RERE: variants seen among roughly 807,000 people sequenced by gnomAD.
The protein encoded by RERE is arginine-glutamic acid dipeptide repeats protein.
Under a neutral mutation model 146.1 loss-of-function variants are expected in RERE, and 40 were observed. The observed-to-expected ratio is 0.27, with a 90% CI of 0.21 to 0.36. The LOEUF (loss-of-function observed/expected upper bound fraction) is 0.36, where lower values mean the gene tolerates loss of function less well. Ranked by LOEUF, RERE falls within the 10% of genes least tolerant of loss-of-function variation. The pLI is 1.00. For synonymous variants in RERE, 1,003 were observed against 866.0 expected (o/e 1.16, Z -2.78); for missense variants, 1,933 against 2,138.7 (o/e 0.90, Z 1.90).
At chr1:8,554,318 T>C (rs1381835633) in intron 6 of RERE, among the ~76,000 whole-genome samples, 1 of 152,142 alleles carries the variant, frequency 6.6e-6, no homozygotes, top group Non-Finnish European at 1.5e-5. Context: ...TCTAAATCGA[T>C]TAAAATCTTT....
At chr1:8,359,584 G>A (rs1641466142) in intron 19 of RERE, among the ~76,000 whole-genome samples, 180 bp downstream of exon 19, 1 of 152,212 alleles carries the variant, frequency 6.6e-6, no homozygotes, top group Admixed American at 6.5e-5. Flanking sequence ...AGTTACCCCG[G>A]CAGCTTCGGA....
intron 1 of RERE, among the ~76,000 whole-genome samples, chr1:8,795,234 C>T (rs1474031757): frequency 2.0e-5 from 3 of 151,952 alleles, no homozygotes; most frequent in Admixed American, 2.0e-4. Context: ...TCATGTTGGC[C>T]AGGCTGGTCT....
chr1:8,738,168 C>G (rs901124068), intron 1 of RERE, among the ~76,000 whole-genome samples: 1 of 152,222 alleles, frequency 6.6e-6, no homozygotes, highest in Non-Finnish European at 1.5e-5. Flanking sequence ...ACGGGGCAAA[C>G]CTACACCTCT....
chr1:8,521,899 A>T (rs1333350823), intron 7 of RERE, among the ~76,000 whole-genome samples: 1 of 152,236 alleles, frequency 6.6e-6, no homozygotes, highest in Non-Finnish European at 1.5e-5. Flanking sequence ...CCTGCCCCAA[A>T]AGCTTGATGT....
At position 8,352,850 on chromosome 1, in the gene RERE, A is replaced by T. The variant is rs1391305846; in HGVS notation, c.*2237T>A. On this transcript the variant is annotated 3_prime_UTR_variant, in exon 23 of 23. Transcript: ENST00000400908. ...CCTTGGGATATGGGGAGAAAAGCAAAGCTAACAAGAATGCCTTCGGACGGC... is the reference window on the plus strand; with the variant it reads ...CCTTGGGATATGGGGAGAAAAGCAATGCTAACAAGAATGCCTTCGGACGGC... 1 of 152,594 alleles carries T rather than the reference A, an allele frequency of 6.6e-6. No homozygotes were observed. The highest frequency in any genetic ancestry group is 6.5e-5 in the Admixed American group (1 of 15,282). The allele number at this position is 152,594 out of a possible 1,614,324, so 9.5% of individuals were successfully genotyped here. A position where few individuals can be genotyped will look rare whatever the true frequency, so the allele number is the denominator to read the frequency against.
In RERE at chr1:8,465,716, C is replaced by T. The variant is rs61157780; in HGVS notation, c.1203+209G>A. Reference sequence around the variant, plus strand: ...TCCATGAAAGTTGGACAATCTTTCCCGACATCTATGAAGCCTAATCTTAAT... The same window carrying T: ...TCCATGAAAGTTGGACAATCTTTCCTGACATCTATGAAGCCTAATCTTAAT... On this transcript the variant is annotated intron_variant, in intron 11 of 22. Coordinates refer to ENST00000400908, the MANE Select transcript of RERE (RefSeq NM_001042681.2). The T allele has an allele frequency of 7.9e-5, 51 of 648,594 alleles. 1 individual carries two copies. The East Asian group carries it at 1.1e-3, about 13-fold the overall frequency. The allele number at this position is 648,594 out of a possible 1,614,324, so 40.2% of individuals were successfully genotyped here. A position where few individuals can be genotyped will look rare whatever the true frequency, so the allele number is the denominator to read the frequency against.
At chr1:8,456,560 G>A (rs1644455576) in intron 11 of RERE, among the ~76,000 whole-genome samples, 1 of 152,170 alleles carries the variant, frequency 6.6e-6, no homozygotes, top group African/African-American at 2.4e-5. Context: ...GAGATACAAT[G>A]TTAGGAGAAA....
chr1:8,486,909 C>G (rs529040983), intron 10 of RERE, among the ~76,000 whole-genome samples: 1 of 151,946 alleles, frequency 6.6e-6, no homozygotes, highest in Non-Finnish European at 1.5e-5. Flanking sequence ...ACAGGAAGAA[C>G]GATTTCCCAA....
intron 3 of RERE, 149 bp from the exon 4 acceptor site, chr1:8,614,835 T>C (rs1324495475): frequency 1.1e-6 from 1 of 889,088 alleles, no homozygotes; most frequent in Non-Finnish European, 1.7e-6. Context: ...CCACTAAAGT[T>C]AACCTTTTTG....
intron 1 of RERE, among the ~76,000 whole-genome samples, chr1:8,724,531 CATA>C (rs1298423175): frequency 1.3e-5 from 2 of 152,166 alleles, no homozygotes; most frequent in Non-Finnish European, 2.9e-5. Context: ...ACTTTCTCTA[CATA>C]TTACACAGCT....
rs868002362 is a variant in RERE, at chr1:8,358,536, C to G, written c.3999G>C (p.Glu1333Asp). The G allele has an allele frequency of 2.2e-5, 36 of 1,602,204 alleles. No individual in the cohort carries two copies. The Middle Eastern group carries it at 4.5e-3, about 201-fold the overall frequency. Residue 1333 changes from glutamate to aspartate, a missense_variant, in exon 20 of 23, where the codon GAG becomes GAC. Coordinates refer to ENST00000400908, the MANE Select transcript of RERE (RefSeq NM_001042681.2). Reference sequence around the variant, plus strand: ...TGGCGGCTGGGTGCAGGGGGTCCAGCTCTGGGGGCTTCACCTCGAAGCCCG... The same window carrying G: ...TGGCGGCTGGGTGCAGGGGGTCCAGGTCTGGGGGCTTCACCTCGAAGCCCG... Reference protein sequence around the residue: ...MKPGFEVKPPELDPLHPAANP... With the variant: ...MKPGFEVKPPDLDPLHPAANP...
At chr1:8,617,690 T>C (rs1295504609) in intron 3 of RERE, among the ~76,000 whole-genome samples, 2 of 152,160 alleles carry the variant, frequency 1.3e-5, no homozygotes, top group Non-Finnish European at 2.9e-5. Flanking sequence ...CAAATCATCA[T>C]AGCGTAAGGC....
At chr1:8,592,270 T>G (rs1646503982) in intron 4 of RERE, among the ~76,000 whole-genome samples, 1 of 152,050 alleles carries the variant, frequency 6.6e-6, no homozygotes, top group Non-Finnish European at 1.5e-5. Context: ...AAGGTACTTT[T>G]TTTTTCTTTT....
chr1:8,809,137 TAAAA>T lies in RERE; in HGVS notation c.-145+8019_-145+8022del, dbSNP rs58263107. On this transcript the variant is annotated intron_variant, in intron 1 of 22. Transcript: ENST00000400908. ...TGGGCGACAGAGCGAGACTTTGTCT[TAAAA>T]AAAAAAAAAAAAAAAAAAAGTACTG... 9.5e-5 allele frequency among the ~76,000 whole-genome samples: 9 copies of T among 95,072 alleles called. 1 individual carries two copies. Among genetic ancestry groups the T allele is most frequent in the African/African-American group, 4.1e-4 (9 of 21,892 alleles). The allele number at this position is 95,072 out of a possible 152,430, so 62.4% of individuals were successfully genotyped here. A position where few individuals can be genotyped will look rare whatever the true frequency, so the allele number is the denominator to read the frequency against.
chr1:8,603,938 C>CAAAAAAAAAA (rs61119278), intron 4 of RERE, among the ~76,000 whole-genome samples: 3 of 124,750 alleles, frequency 2.4e-5, no homozygotes, highest in Non-Finnish European at 4.9e-5. Context: ...GACCCTGTCT[C>CAAAAAAAAAA]AAAAAAAAAA....
rs1570380056 is a variant in RERE at position 8,518,291 on chromosome 1, AGTC to A, written c.831-9619_831-9617del. On this transcript the variant is annotated intron_variant, in intron 7 of 22. Transcript: ENST00000400908. ...CCCTCCCCAAGCCTTGGGTCCTAAC[AGTC>A]GTGTAGCCTGTGGCCCATTCCCAAG... is the stretch of plus-strand genomic sequence containing the variant. Among the ~76,000 whole-genome samples the A allele has an allele frequency of 2.0e-5, 3 of 152,296 alleles. No homozygotes were observed. In the East Asian group the frequency reaches 5.8e-4, roughly 29 times the overall value.
intron 2 of RERE, among the ~76,000 whole-genome samples, chr1:8,643,045 C>T (rs1375369817): frequency 6.6e-6 from 1 of 152,160 alleles, no homozygotes; most frequent in Admixed American, 6.5e-5. Context: ...CCTGCTGGAA[C>T]CAACCAGCAT....
chr1:8,807,764 A>C (rs770051100), intron 1 of RERE, among the ~76,000 whole-genome samples: 9 of 152,166 alleles, frequency 5.9e-5, no homozygotes, highest in South Asian at 4.1e-4. Context: ...ACACACTCTA[A>C]AAGACTAATT....
intron 11 of RERE, among the ~76,000 whole-genome samples, chr1:8,441,725 C>G (rs948531758): frequency 6.6e-6 from 1 of 152,180 alleles, no homozygotes; most frequent in Non-Finnish European, 1.5e-5. Flanking sequence ...TACTTACTCA[C>G]ATAAACAAGG....
Sources: allele counts gnomAD v4.1 joint callset (sites outside exome capture counted in the v4.1 genomes callset), GRCh38; gene constraint gnomAD v4.1.1; transcripts MANE v1.5; gene names NCBI Gene and HGNC (gene_info 2026-07-23, HGNC 2026-07-21).